Variants in KHDRBS1 observed in about 807,000 individuals in gnomAD.
KHDRBS1 encodes the protein KH RNA binding domain containing, signal transduction associated 1.
In KHDRBS1, 7 loss-of-function variants were observed where a neutral mutation model predicts 48.4. The ratio of observed to expected loss-of-function variants is 0.14; its 90% CI spans 0.08 to 0.27. KHDRBS1 has a LOEUF of 0.27. Ranked by LOEUF, KHDRBS1 falls within the 10% of genes least tolerant of loss-of-function variation. The pLI is 1.00. For missense variants in KHDRBS1, 458 were observed against 601.2 expected, an observed-to-expected ratio of 0.76 and a Z score of 2.49; for synonymous variants, 241 against 235.8, an observed-to-expected ratio of 1.02 and a Z score of -0.20.
chr1:32,020,470 G>A (rs904805941), intron 1 of KHDRBS1, among the ~76,000 whole-genome samples: 3 of 151,992 alleles, frequency 2.0e-5, no homozygotes, highest in Non-Finnish European at 2.9e-5. Flanking sequence ...GCATTCTTGG[G>A]TATTTATTTC....
At chr1:32,045,404 G>C (rs941079341), downstream of KHDRBS1, 1 of 152,608 alleles carries the variant, frequency 6.6e-6, no homozygotes, top group African/African-American at 2.4e-5. Context: ...TGTTAAGGTG[G>C]CTTTCTATTA....
chr1:32,020,128 G>T (rs1479813641), intron 1 of KHDRBS1, among the ~76,000 whole-genome samples: 1 of 151,900 alleles, frequency 6.6e-6, no homozygotes, highest in Non-Finnish European at 1.5e-5. Flanking sequence ...TGTGCTTATT[G>T]GCTGGGCATG....
intron 2 of KHDRBS1, among the ~76,000 whole-genome samples, chr1:32,031,209 T>C (rs953610410): frequency 6.6e-6 from 1 of 152,184 alleles, no homozygotes; most frequent in African/African-American, 2.4e-5. Flanking sequence ...ATTGTGTCAC[T>C]ACACTTTGGC....
chr1:32,036,163 A>ATTTTTTTTTTTTT (rs397742842), intron 4 of KHDRBS1, among the ~76,000 whole-genome samples: 4 of 60,466 alleles, frequency 6.6e-5, no homozygotes, highest in African/African-American at 2.9e-4. Context: ...CATTTTGAAG[A>ATTTTTTTTTTTTT]TTTTTTTTTT....
chr1:32,059,104 G>A (rs1056470090), intron 10 of KHDRBS1, among the ~76,000 whole-genome samples: 4 of 149,504 alleles, frequency 2.7e-5, no homozygotes, highest in Non-Finnish European at 5.9e-5. Flanking sequence ...CTGCAGTACT[G>A]GAGCTAAGAT....
At chr1:32,027,070 C>T (rs1638987125) in intron 1 of KHDRBS1, among the ~76,000 whole-genome samples, 1 of 152,228 alleles carries the variant, frequency 6.6e-6, no homozygotes, top group East Asian at 1.9e-4. Context: ...GCTGGGATTA[C>T]AGGCGTGAGC....
downstream of KHDRBS1, among the ~76,000 whole-genome samples, chr1:32,044,998 CTT>C (rs1639340927): frequency 6.6e-6 from 1 of 152,144 alleles, no homozygotes; most frequent in South Asian, 2.1e-4. Flanking sequence ...AGCCATAACT[CTT>C]AATAATCCTG....
intron 4 of KHDRBS1, among the ~76,000 whole-genome samples, chr1:32,034,064 A>G (rs187153964): frequency 3.3e-5 from 5 of 152,338 alleles, no homozygotes; most frequent in African/African-American, 7.2e-5. Flanking sequence ...TTAACATACT[A>G]CTGTTGAATA....
chr1:32,022,876 C>T (rs1247501471), intron 1 of KHDRBS1, among the ~76,000 whole-genome samples: 1 of 150,018 alleles, frequency 6.7e-6, no homozygotes, highest in Non-Finnish European at 1.5e-5. Context: ...GGTGACAGAG[C>T]AAGACCCTGT....
At chr1:32,035,406 T>C (rs1429053324) in intron 4 of KHDRBS1, among the ~76,000 whole-genome samples, 1 of 152,160 alleles carries the variant, frequency 6.6e-6, no homozygotes, top group Non-Finnish European at 1.5e-5. Flanking sequence ...ACTAGCATCA[T>C]CTATTGAAGC....
chr1:32,038,478 A>G (rs1639225299), intron 6 of KHDRBS1, 74 bp from the exon 7 acceptor site: 1 of 1,428,066 alleles, frequency 7.0e-7, no homozygotes, highest in Non-Finnish European at 9.7e-7. Flanking sequence ...ACTTACTCCC[A>G]TGGGATGTAA....
chr1:32,040,856 A>G (rs1179237030), intron 8 of KHDRBS1, among the ~76,000 whole-genome samples: 2 of 152,184 alleles, frequency 1.3e-5, no homozygotes, highest in African/African-American at 2.4e-5. Context: ...GAGACAGACA[A>G]GCTGAGCCCA....
At chr1:32,027,413 A>G (rs1638996328) in intron 1 of KHDRBS1, among the ~76,000 whole-genome samples, 1 of 152,202 alleles carries the variant, frequency 6.6e-6, no homozygotes, top group Non-Finnish European at 1.5e-5. Context: ...GCAGTAGGGG[A>G]AAAGAAGTAG....
chr1:32,019,576 C>G (rs1638815350), intron 1 of KHDRBS1, among the ~76,000 whole-genome samples: 1 of 151,970 alleles, frequency 6.6e-6, no homozygotes, highest in African/African-American at 2.4e-5. Flanking sequence ...AATATTTGTA[C>G]AGCAGTGAAA....
At position 32,033,274 on chromosome 1, in the gene KHDRBS1, A is replaced by G. The variant is rs746001942; in HGVS notation, c.711A>G (p.Pro237=). 1.4e-5 allele frequency: 22 copies of G among 1,614,070 alleles called. No individual in the cohort carries two copies. The East Asian group carries it at 3.3e-4, about 25-fold the overall frequency. ...LHVFIEVFGP[P]CEAYALMAHA... ...TCTTCATTGAAGTCTTTGGACCCCCATGTGAGGCTTATGCTCTTATGGCCC... is the reference window on the plus strand; with the variant it reads ...TCTTCATTGAAGTCTTTGGACCCCCGTGTGAGGCTTATGCTCTTATGGCCC... Residue 237 remains proline (P), a synonymous_variant, in exon 4 of 9, where the codon CCA becomes CCG. Coordinates refer to ENST00000327300, the MANE Select transcript of KHDRBS1 (RefSeq NM_006559.3).
At chr1:32,050,356 C>G (rs1020299846) in intron 10 of KHDRBS1, among the ~76,000 whole-genome samples, 6 of 152,114 alleles carry the variant, frequency 3.9e-5, no homozygotes, top group Non-Finnish European at 8.8e-5. Flanking sequence ...CTTTTACTTT[C>G]TTTAAATCAC....
intron 3 of KHDRBS1, among the ~76,000 whole-genome samples, chr1:32,031,856 T>C (rs1639086075): frequency 6.6e-6 from 1 of 152,222 alleles, no homozygotes; most frequent in Non-Finnish European, 1.5e-5. Flanking sequence ...TAGTTTTCTT[T>C]TGGACTTTTT....
intron 5 of KHDRBS1, 114 bp downstream of exon 5, chr1:32,037,157 A>G (rs1027972984): frequency 2.5e-6 from 3 of 1,181,894 alleles, no homozygotes; most frequent in African/African-American, 1.5e-5. Context: ...TGTATGTTGC[A>G]TAAAGAACAG....
intron 10 of KHDRBS1, among the ~76,000 whole-genome samples, chr1:32,058,094 G>A (rs1639500853): frequency 6.6e-6 from 1 of 151,424 alleles, no homozygotes; most frequent in Non-Finnish European, 1.5e-5. Flanking sequence ...CTCCAGACTG[G>A]GCAATAAGAG....
Sources: allele counts gnomAD v4.1 joint callset (sites outside exome capture counted in the v4.1 genomes callset), GRCh38; gene constraint gnomAD v4.1.1; transcripts MANE v1.5; gene names NCBI Gene and HGNC (gene_info 2026-07-23, HGNC 2026-07-21).